The following MAP3K3 variants were observed in gnomAD, a reference collection of about 807,000 sequenced individuals.
MAP3K3 encodes MAP/ERK kinase kinase 3.
A neutral mutation model predicts 80.9 loss-of-function variants in MAP3K3; 12 were observed. The observed-to-expected ratio is 0.15, with a 90% CI of 0.10 to 0.24. The LOEUF is 0.24. MAP3K3 is among the 10% of genes least tolerant of loss of function. The probability of loss-of-function intolerance (pLI) is 1.00; values close to 1 mark genes in which losing one functional copy is unlikely to be tolerated. For synonymous variants in MAP3K3, 272 were observed against 307.1 expected, an observed-to-expected ratio of 0.89 and a Z score of 1.19; for missense variants, 596 against 834.7, an observed-to-expected ratio of 0.71 and a Z score of 3.52.
intron 6 of MAP3K3, among the ~76,000 whole-genome samples, chr17:63,675,455 G>C (rs535230755): frequency 6.6e-6 from 1 of 152,192 alleles, no homozygotes; most frequent in South Asian, 2.1e-4. Context: ...TTAGGGTTCT[G>C]CTATGAGAAG....
chr17:63,689,379 G>C lies in MAP3K3; in HGVS notation c.872-165G>C. The C allele has an allele frequency of 4.9e-6, 3 of 607,570 alleles. No individual in the cohort carries two copies. Among genetic ancestry groups the C allele is most frequent in the South Asian group, 2.0e-5 (1 of 49,700 alleles). 37.6% of individuals were successfully genotyped at this position (607,570 alleles called of 1,614,324 possible). A position where few individuals can be genotyped will look rare whatever the true frequency, so the allele number is the denominator to read the frequency against. Reference sequence around the variant, plus strand: ...AGCCTCTGTGGAATGAGTCAGGTGGGAGTGCGGACGGGATGGGCTGGAGCT... The same window carrying C: ...AGCCTCTGTGGAATGAGTCAGGTGGCAGTGCGGACGGGATGGGCTGGAGCT... On this transcript the variant is annotated intron_variant, in intron 10 of 15. Transcript: ENST00000361733. The surrounding 1 kb of genome is among the most constrained non-coding windows in gnomAD (Gnocchi z 4.3).
Position 63,691,932 on chromosome 17 carries a change from G to T in MAP3K3, c.1474+70G>T. On this transcript the variant is annotated intron_variant, in intron 14 of 15. Transcript: ENST00000361733. This position sits in a 1 kb window ranked among gnomAD's most constrained non-coding sequence, Gnocchi z 4.8. ...AGTCTACCATTGAGTGCCTGCAGGG[G>T]CCAATCACTTAACCATTCTGAACTT... 1 of 1,527,448 alleles carries T rather than the reference G, an allele frequency of 6.5e-7. No individual in the cohort carries two copies. The highest frequency in any genetic ancestry group is 1.2e-5 in the South Asian group (1 of 86,294). The allele number at this position is 1,527,448 out of a possible 1,614,324, so 94.6% of individuals were successfully genotyped here.
rs756606204 is a variant in MAP3K3, at chr17:63,634,778, G to T, written c.126+1976G>T. The T allele has an allele frequency of 9.9e-6, 16 of 1,613,872 alleles. No individual in the cohort carries two copies. The African/African-American group carries it at 1.3e-4, about 13-fold the overall frequency. On this transcript the variant is annotated intron_variant, in intron 2 of 15. Transcript: ENST00000361733. Reference sequence around the variant, plus strand: ...AGTAACAACAAGCTCATGTGCAGGGGCCAGTGAGAAAAAGAAATTTTTGGT... The same window carrying T: ...AGTAACAACAAGCTCATGTGCAGGGTCCAGTGAGAAAAAGAAATTTTTGGT...
intron 2 of MAP3K3, among the ~76,000 whole-genome samples, chr17:63,639,773 ACT>A (rs2143242250): frequency 6.6e-6 from 1 of 152,258 alleles, no homozygotes; most frequent in Non-Finnish European, 1.5e-5. Flanking sequence ...TTTAAGCATG[ACT>A]CTGGAAAGTT....
intron 6 of MAP3K3, chr17:63,668,352 G>A (rs1323227981): frequency 6.6e-6 from 1 of 152,242 alleles, no homozygotes; most frequent in African/African-American, 2.4e-5. Flanking sequence ...TTGCCAGGCT[G>A]AAAGTCTGTA....
intron 7 of MAP3K3, 55 bp downstream of exon 7, chr17:63,681,954 A>G: frequency 7.6e-7 from 1 of 1,316,650 alleles, no homozygotes; most frequent in Non-Finnish European, 9.8e-7. Context: ...GACCAAGCTC[A>G]TAACAAGGGG....
At chr17:63,660,887 C>T (rs944091786) in intron 5 of MAP3K3, among the ~76,000 whole-genome samples, 2 of 152,176 alleles carry the variant, frequency 1.3e-5, no homozygotes, top group African/African-American at 4.8e-5. Flanking sequence ...TGAGCCACTG[C>T]ACCCCGCCTT....
chr17:63,681,174 G>A lies in MAP3K3; in HGVS notation c.503-592G>A, dbSNP rs987234962. On this transcript the variant is annotated intron_variant, in intron 6 of 15. Coordinates refer to ENST00000361733, the MANE Select transcript of MAP3K3 (RefSeq NM_002401.5). ...AAGCCAGGAAGTGTGGGAGTGGGTA[G>A]GAATGGAGAAGCCTGCCTTTTGATC... 2.2e-4 allele frequency among the ~76,000 whole-genome samples: 34 copies of A among 151,856 alleles called. 1 individual carries two copies. The highest frequency in any genetic ancestry group is 2.9e-5 in the Non-Finnish European group (2 of 67,976).
intron 10 of MAP3K3, 24 bp downstream of exon 10, chr17:63,688,905 C>T (rs2035521562): frequency 6.4e-7 from 1 of 1,571,794 alleles, no homozygotes; most frequent in African/African-American, 1.4e-5. Flanking sequence ...CACCTGCTCC[C>T]TGCTGGCTGC....
In MAP3K3 at chr17:63,689,495, C is replaced by T. The variant is rs544249571; in HGVS notation, c.872-49C>T. On this transcript the variant is annotated intron_variant, in intron 10 of 15. Transcript: ENST00000361733. The surrounding 1 kb of genome is among the most constrained non-coding windows in gnomAD (Gnocchi z 4.3). ...CAGACCTGGTTTGTACGTTCCGCCTCGTAGCCTGGGGTGTGACTTGCTCTC... is the reference window on the plus strand; with the variant it reads ...CAGACCTGGTTTGTACGTTCCGCCTTGTAGCCTGGGGTGTGACTTGCTCTC... 177 of 1,542,468 alleles carry T rather than the reference C, an allele frequency of 1.1e-4. No homozygotes were observed. Among genetic ancestry groups the T allele is most frequent in the South Asian group, 3.8e-4 (32 of 83,426 alleles).
chr17:63,659,525 C>CTTTTTTTTTT (rs57166616), intron 5 of MAP3K3, among the ~76,000 whole-genome samples: 2 of 64,576 alleles, frequency 3.1e-5, no homozygotes, highest in Non-Finnish European at 5.5e-5. Context: ...CTGTCATGGA[C>CTTTTTTTTTT]TTTTTTTTTT....
intron 6 of MAP3K3, among the ~76,000 whole-genome samples, chr17:63,676,503 A>G (rs963642424): frequency 1.3e-5 from 2 of 152,362 alleles, no homozygotes; most frequent in East Asian, 1.9e-4. Flanking sequence ...TTTCTCTCCA[A>G]TCAGTCCCTT....
chr17:63,660,431 T>G (rs554173221), intron 5 of MAP3K3, among the ~76,000 whole-genome samples: 6 of 152,024 alleles, frequency 3.9e-5, no homozygotes, highest in African/African-American at 1.2e-4. Context: ...CAAGCTGGTC[T>G]CAAACTCCTG....
At chr17:63,665,656 C>T (rs1179551529) in intron 5 of MAP3K3, among the ~76,000 whole-genome samples, 1 of 152,170 alleles carries the variant, frequency 6.6e-6, no homozygotes, top group Non-Finnish European at 1.5e-5. Flanking sequence ...ACTTGCCTGC[C>T]TCCCCAGTAT....
Position 63,635,774 on chromosome 17 carries a change from C to T in MAP3K3, c.126+2972C>T, listed in dbSNP as rs79695851. Among the ~76,000 whole-genome samples, 615 of 152,220 alleles carry T rather than the reference C, an allele frequency of 4.0e-3. 9 individuals carry two copies. The East Asian group carries it at 0.04, about 10-fold the overall frequency. On this transcript the variant is annotated intron_variant, in intron 2 of 15. Transcript: ENST00000361733. ...GCCTGAGATAGAATGAAACAGTTTTCTTCATTACCAGTTCTTCTGCCAGAA... is the reference window on the plus strand; with the variant it reads ...GCCTGAGATAGAATGAAACAGTTTTTTTCATTACCAGTTCTTCTGCCAGAA...
At chr17:63,670,605 A>AAAG (rs2035087541) in intron 6 of MAP3K3, among the ~76,000 whole-genome samples, 2 of 133,882 alleles carry the variant, frequency 1.5e-5, no homozygotes, top group Admixed American at 7.7e-5. Context: ...AAAAAAAAAA[A>AAAG]AAAGAAAGAA....
Position 63,688,590 on chromosome 17 carries a change from C to T in MAP3K3, c.774C>T (p.Tyr258=), listed in dbSNP as rs189487404. ...GCTTCCCTGACAACAGACAGGAATA[C>T]TCAGGTGAGTTCCACAGAGCCTGGG... is the stretch of plus-strand genomic sequence containing the variant. ...AQSFPDNRQE[Y]SDRETQLYDK... is the part of the protein sequence containing the mutation. The change falls in exon 9 of 16, where the codon TAC becomes TAT. Residue 258 remains tyrosine, a synonymous_variant. Transcript: ENST00000361733. The T allele has an allele frequency of 6.2e-7, 1 of 1,613,986 alleles. No homozygotes were observed. The highest frequency in any genetic ancestry group is 2.2e-5 in the East Asian group (1 of 44,884).
At chr17:63,687,210 GAAAAA>G (rs58633694) in intron 8 of MAP3K3, among the ~76,000 whole-genome samples, 1 of 130,396 alleles carries the variant, frequency 7.7e-6, no homozygotes, top group African/African-American at 2.8e-5. Context: ...TACTAAAAAT[GAAAAA>G]AAAAAAAAAG....
rs959280560 is a variant in MAP3K3 at position 63,694,043 on chromosome 17, T to A, written c.*266T>A. ...GTGGAGGGGTAGGGGCTGGGAACAG[T>A]GTGCAAGGCAGCCGTGGGCCCCACC... On this transcript the variant is annotated 3_prime_UTR_variant, in exon 16 of 16. Coordinates refer to ENST00000361733, the MANE Select transcript of MAP3K3 (RefSeq NM_002401.5). 4.8e-6 allele frequency: 2 copies of A among 418,860 alleles called. No individual in the cohort carries two copies. Among genetic ancestry groups the A allele is most frequent in the Non-Finnish European group, 8.5e-6 (2 of 234,996 alleles). 25.9% of individuals were successfully genotyped at this position (418,860 alleles called of 1,614,324 possible).
Sources: allele counts gnomAD v4.1 joint callset (sites outside exome capture counted in the v4.1 genomes callset), GRCh38; gene constraint gnomAD v4.1.1; non-coding constraint Gnocchi (gnomAD v3.1); transcripts MANE v1.5; gene names NCBI Gene and HGNC (gene_info 2026-07-23, HGNC 2026-07-21).